The following FGF13 variants were observed in gnomAD, a reference collection of about 807,000 sequenced individuals.
FGF13 encodes the protein fibroblast growth factor 13.
In FGF13, 2 loss-of-function variants were observed where a neutral mutation model predicts 19.5. The ratio of observed to expected loss-of-function variants is 0.10; its 90% CI spans 0.04 to 0.32. FGF13 has a LOEUF of 0.32. Ranked by LOEUF, FGF13 falls within the 10% of genes least tolerant of loss-of-function variation. The pLI is 1.00. For missense variants in FGF13, 113 were observed against 192.7 expected (o/e 0.59, Z 2.45); for synonymous variants, 72 against 76.9 (o/e 0.94, Z 0.33).
chrX:139,078,229 C>A (rs1023119674), intron 1 of FGF13, among the ~76,000 whole-genome samples: 17 of 109,441 alleles, frequency 1.6e-4, no homozygotes, highest in African/African-American at 5.7e-4. Flanking sequence ...TGTGAAATAA[C>A]CCATCCATGT....
At chrX:139,198,334 CAT>C (rs1400184703) in intron 1 of FGF13, among the ~76,000 whole-genome samples, 1 of 111,709 alleles carries the variant, frequency 9.0e-6, no homozygotes, top group African/African-American at 3.3e-5. Context: ...AAAGGACAGA[CAT>C]ATACAACTAG....
chrX:139,035,660 G>A (rs1006079735), intron 1 of FGF13, among the ~76,000 whole-genome samples: 3 of 111,194 alleles, frequency 2.7e-5, no homozygotes, highest in Non-Finnish European at 3.8e-5. Flanking sequence ...TAAAGACAAC[G>A]ACAAGTCTGT....
chrX:138,892,002 A>G (rs199658129), intron 1 of FGF13, among the ~76,000 whole-genome samples: 2,763 of 90,348 alleles, frequency 0.031, 108 homozygotes, highest in African/African-American at 0.11. Flanking sequence ...ATATATACAT[A>G]TGTGTGTGTG....
At chrX:138,811,087 A>T (rs774367917) in intron 3 of FGF13, among the ~76,000 whole-genome samples, 1 of 112,185 alleles carries the variant, frequency 8.9e-6, no homozygotes, top group Non-Finnish European at 1.9e-5. Flanking sequence ...CAGCCATCCC[A>T]TTACTGGGTA....
chrX:138,971,933 A>G (rs2091918378), intron 1 of FGF13, among the ~76,000 whole-genome samples: 2 of 111,574 alleles, frequency 1.8e-5, no homozygotes, highest in African/African-American at 6.5e-5. Flanking sequence ...TTCCACATGT[A>G]AGTGAGATCA....
At chrX:138,972,056 T>TTGTGTGTGTGTGTG (rs370317832) in intron 1 of FGF13, among the ~76,000 whole-genome samples, 24,073 of 94,526 alleles carry the variant, frequency 0.25, 2,993 homozygotes, top group Non-Finnish European at 0.32. Context: ...TAGTATTCTA[T>TTGTGTGTGTGTGTG]TGTGTGTGTG....
chrX:138,834,267 C>A (rs530090879), intron 3 of FGF13, among the ~76,000 whole-genome samples: 87 of 111,757 alleles, frequency 7.8e-4, no homozygotes, highest in African/African-American at 2.6e-3. Flanking sequence ...AGCTGTGAAT[C>A]CCTCTGGTCC....
chrX:138,830,936 A>G (rs1345321951), intron 3 of FGF13, among the ~76,000 whole-genome samples: 1 of 110,702 alleles, frequency 9.0e-6, no homozygotes, highest in Non-Finnish European at 1.9e-5. Context: ...CAAGAGCACC[A>G]GTGGGGCAGA....
intron 1 of FGF13, among the ~76,000 whole-genome samples, chrX:138,910,167 G>A (rs750624898): frequency 2.7e-5 from 3 of 110,802 alleles, no homozygotes; most frequent in Non-Finnish European, 5.7e-5. Flanking sequence ...AGGACATCAT[G>A]TTAGGAGTCT....
intron 1 of FGF13, among the ~76,000 whole-genome samples, chrX:139,201,730 C>G (rs1488345990): frequency 3.6e-5 from 4 of 112,367 alleles, no homozygotes; most frequent in Non-Finnish European, 7.5e-5. Context: ...CCTTTCATCT[C>G]TAATATAAAA....
At chrX:138,728,760 G>C (rs912509282) in intron 1 of FGF13, among the ~76,000 whole-genome samples, 1 of 110,666 alleles carries the variant, frequency 9.0e-6, no homozygotes, top group Non-Finnish European at 1.9e-5. Flanking sequence ...ACCACCCATT[G>C]ACCCTCTACT....
intron 1 of FGF13, among the ~76,000 whole-genome samples, chrX:138,952,670 C>A (rs182634316): frequency 0.028 from 3,116 of 111,156 alleles, 119 homozygotes; most frequent in African/African-American, 0.096. Context: ...ATTTTTGCAA[C>A]CTACTCATCT....
At chrX:138,892,741 C>T (rs1477095453) in intron 1 of FGF13, among the ~76,000 whole-genome samples, 1 of 109,880 alleles carries the variant, frequency 9.1e-6, no homozygotes, top group African/African-American at 3.3e-5. Flanking sequence ...GATGAGCCCT[C>T]GAATGCCAGG....
chrX:138,760,224 A>G (rs1186014342), intron 3 of FGF13, among the ~76,000 whole-genome samples: 1 of 111,995 alleles, frequency 8.9e-6, no homozygotes, highest in Non-Finnish European at 1.9e-5. Context: ...TCTTTCAACA[A>G]TTCTTTGCAG....
At chrX:138,947,176 T>C (rs1227274386) in intron 1 of FGF13, among the ~76,000 whole-genome samples, 4 of 112,239 alleles carry the variant, frequency 3.6e-5, no homozygotes, top group African/African-American at 1.3e-4. Flanking sequence ...GAAGCAATGC[T>C]AGTCCAGTAT....
At chrX:138,846,121 A>G (rs2124117736) in intron 3 of FGF13, among the ~76,000 whole-genome samples, 2 of 109,820 alleles carry the variant, frequency 1.8e-5, no homozygotes, top group East Asian at 5.8e-4. Flanking sequence ...TGTGAGCTGT[A>G]CTATTCTGCT....
intron 1 of FGF13, among the ~76,000 whole-genome samples, chrX:139,156,552 T>C (rs1047256174): frequency 2.7e-5 from 3 of 112,835 alleles, no homozygotes; most frequent in African/African-American, 9.7e-5. Flanking sequence ...AAACTGAGTG[T>C]GGTCTCTGGC....
chrX:138,627,358 G>A lies in FGF13; in HGVS notation c.*5492C>T, dbSNP rs1337898252. 1 of 111,526 alleles carries A rather than the reference G, an allele frequency of 9.0e-6. No individual in the cohort carries two copies. The highest frequency in any genetic ancestry group is 1.9e-5 in the Non-Finnish European group (1 of 53,177). The allele number at this position is 111,526 out of a possible 1,213,427, so 9.2% of individuals were successfully genotyped here. ...CACAGCATTAAAAACAAATTATTAA[G>A]AGCGTACACATTATTACAGTACAAA... On this transcript the variant is annotated 3_prime_UTR_variant, in exon 5 of 5. Transcript: ENST00000315930.
Position 139,040,127 on chromosome X carries a change from A to G in FGF13, c.-113+163289T>C, listed in dbSNP as rs183056871. Among the ~76,000 whole-genome samples, 3 of 111,897 alleles carry G rather than the reference A, an allele frequency of 2.7e-5. No homozygotes were observed. The Admixed American group carries it at 2.8e-4, about 11-fold the overall frequency. The stretch of plus-strand genomic sequence containing the variant: ...ACTATATAAAGTGTTTAAGTGTTTT[A>G]TCCCATTTAATCCTCACAATAGTCC... On this transcript the variant is annotated intron_variant, in intron 1 of 2. Transcript: ENST00000421460.
Sources: gnomAD v4.1 joint callset for allele counts (sites outside exome capture counted in the v4.1 genomes callset) on GRCh38, gnomAD v4.1.1 for gene constraint, MANE v1.5 for transcripts, NCBI Gene and HGNC (gene_info 2026-07-23, HGNC 2026-07-21) for gene names.